ABCC4: variants seen among roughly 807,000 people sequenced by gnomAD.
The protein encoded by ABCC4 is ATP binding cassette subfamily C member 4 (PEL blood group), also known as ATP-binding cassette sub-family C member 4.
ABCC4 carries 102 observed loss-of-function variants against 168.5 expected under a neutral mutation model. The ratio of observed to expected loss-of-function variants is 0.61; its 90% CI spans 0.52 to 0.71. The LOEUF (loss-of-function observed/expected upper bound fraction) is 0.71. Among genes scored for constraint, ABCC4 ranks in the 30% least tolerant of loss-of-function variants. The probability of loss-of-function intolerance (pLI) is 0.00; values close to 1 mark genes in which losing one functional copy is unlikely to be tolerated. For synonymous variants in ABCC4, 617 were observed against 590.7 expected (o/e 1.04, Z -0.65); for missense variants, 1,402 against 1,605.8 (o/e 0.87, Z 2.17).
In ABCC4 at chr13:95,253,088, T is replaced by C. The variant is rs1017910150; in HGVS notation, c.75-5335A>G. Reference sequence around the variant, plus strand: ...GTTCTTCCTCACCTTCCTGTGTTTCTAAGGAAAACACCTGAGAATGCCTCT... The same window carrying C: ...GTTCTTCCTCACCTTCCTGTGTTTCCAAGGAAAACACCTGAGAATGCCTCT... On this transcript the variant is annotated intron_variant, in intron 1 of 30. Transcript: ENST00000645237. Among the ~76,000 whole-genome samples the C allele has an allele frequency of 1.5e-4, 23 of 152,168 alleles. 1 individual carries two copies. The highest frequency in any genetic ancestry group is 3.2e-4 in the Non-Finnish European group (22 of 68,026).
intron 1 of ABCC4, among the ~76,000 whole-genome samples, chr13:95,279,348 T>C (rs118046467): frequency 0.014 from 2,120 of 152,346 alleles, 26 homozygotes; most frequent in Non-Finnish European, 0.023. Context: ...CTAGTTGTAT[T>C]GCTTTGAGCA....
intron 1 of ABCC4, among the ~76,000 whole-genome samples, chr13:95,285,472 C>T (rs2041235980): frequency 6.6e-6 from 1 of 151,984 alleles, no homozygotes; most frequent in African/African-American, 2.4e-5. Flanking sequence ...ATCACTTGAA[C>T]CCAGGAGGCA....
At chr13:95,106,678 T>C (rs1471799312) in intron 20 of ABCC4, among the ~76,000 whole-genome samples, 1 of 152,088 alleles carries the variant, frequency 6.6e-6, no homozygotes, top group Non-Finnish European at 1.5e-5. Context: ...TTGTGCATTG[T>C]CTCACACTCA....
chr13:95,084,937 C>T (rs945865023), intron 20 of ABCC4, among the ~76,000 whole-genome samples: 7 of 152,216 alleles, frequency 4.6e-5, no homozygotes, highest in African/African-American at 1.2e-4. Flanking sequence ...TATTAGGAAA[C>T]ATGTGATATC....
intron 1 of ABCC4, among the ~76,000 whole-genome samples, chr13:95,263,285 A>G (rs746249079): frequency 6.6e-6 from 1 of 152,206 alleles, no homozygotes; most frequent in Non-Finnish European, 1.5e-5. Context: ...AATGTGACCA[A>G]AGGCGCATAG....
At chr13:95,040,767 G>C (rs557346040) in intron 29 of ABCC4, among the ~76,000 whole-genome samples, 1 of 151,858 alleles carries the variant, frequency 6.6e-6, no homozygotes, top group African/African-American at 2.4e-5. Flanking sequence ...ACGATTTCTA[G>C]TTTGTTTTCT....
chr13:95,046,645 G>A (rs2032591129), intron 27 of ABCC4, among the ~76,000 whole-genome samples: 1 of 152,024 alleles, frequency 6.6e-6, no homozygotes, highest in African/African-American at 2.4e-5. Context: ...GCGGGCACTT[G>A]TAATCCCATT....
At chr13:95,233,498 AG>A (rs2039681715) in intron 4 of ABCC4, among the ~76,000 whole-genome samples, 1 of 152,144 alleles carries the variant, frequency 6.6e-6, no homozygotes, top group African/African-American at 2.4e-5. Flanking sequence ...AGACTACTAG[AG>A]TTGGGAGAGA....
chr13:95,060,901 C>A (rs572233124), intron 26 of ABCC4, among the ~76,000 whole-genome samples: 2 of 152,126 alleles, frequency 1.3e-5, no homozygotes, highest in Non-Finnish European at 2.9e-5. Flanking sequence ...TAACTCCCAA[C>A]CCCCCACCTT....
chr13:95,292,644 A>G (rs182977517), intron 1 of ABCC4, among the ~76,000 whole-genome samples: 38 of 152,344 alleles, frequency 2.5e-4, no homozygotes, highest in Non-Finnish European at 5.0e-4. Flanking sequence ...ATCTAAAGTC[A>G]TGAGAGTCAC....
At chr13:95,071,909 G>A (rs2033738604) in intron 24 of ABCC4, 56 bp from the exon 25 acceptor site, 1 of 1,232,446 alleles carries the variant, frequency 8.1e-7, no homozygotes, top group Admixed American at 2.9e-5. Context: ...ATTTATGGAT[G>A]TTAAGAGACT....
intron 1 of ABCC4, among the ~76,000 whole-genome samples, chr13:95,295,125 C>T (rs559186443): frequency 3.4e-4 from 51 of 152,196 alleles, no homozygotes; most frequent in African/African-American, 1.1e-3. Flanking sequence ...ACGTGGCTCC[C>T]AAATCTCAGC....
At chr13:95,184,286 C>G (rs933140408) in intron 11 of ABCC4, among the ~76,000 whole-genome samples, 10 of 152,236 alleles carry the variant, frequency 6.6e-5, no homozygotes, top group African/African-American at 2.4e-4. Flanking sequence ...GCTGGGTGAC[C>G]TGGGACCTGG....
At chr13:95,244,515 G>A (rs1252704155) in intron 3 of ABCC4, among the ~76,000 whole-genome samples, 1 of 150,000 alleles carries the variant, frequency 6.7e-6, no homozygotes, top group Non-Finnish European at 1.5e-5. Flanking sequence ...AAGCTGCAGT[G>A]AGCCAAGATA....
rs2033876482 is a variant in ABCC4, at chr13:95,075,703, C to T, written c.2687-152G>A. The T allele has an allele frequency of 3.2e-6, 3 of 923,308 alleles. No homozygotes were observed. The South Asian group carries it at 5.6e-5, about 17-fold the overall frequency. The allele number at this position is 923,308 out of a possible 1,614,324, so 57.2% of individuals were successfully genotyped here. A position where few individuals can be genotyped will look rare whatever the true frequency, so the allele number is the denominator to read the frequency against. ...AAGGAAAAATAAATGTTCCCAATAG[C>T]CTGAGGGGACCCTGCCACTGGAATC... On this transcript the variant is annotated intron_variant, in intron 21 of 30. Transcript: ENST00000645237.
intron 3 of ABCC4, among the ~76,000 whole-genome samples, chr13:95,242,277 A>G (rs529468078): frequency 9.8e-4 from 147 of 150,628 alleles, no homozygotes; most frequent in Middle Eastern, 3.4e-3. Flanking sequence ...ACCCAGGCTG[A>G]AGTGCAGTGG....
At chr13:95,175,242 A>G (rs568841107) in intron 13 of ABCC4, among the ~76,000 whole-genome samples, 10 of 152,134 alleles carry the variant, frequency 6.6e-5, no homozygotes, top group Non-Finnish European at 1.0e-4. Context: ...TGCTCCCCTC[A>G]AAGTTCCTAT....
At chr13:95,230,514 C>T (rs950451466) in intron 4 of ABCC4, among the ~76,000 whole-genome samples, 4 of 152,312 alleles carry the variant, frequency 2.6e-5, no homozygotes, top group Non-Finnish European at 4.4e-5. Context: ...CAGTGGCTCA[C>T]GCCTGTAATC....
At position 95,091,394 on chromosome 13, in the gene ABCC4, C is replaced by T. The variant is rs573680861; in HGVS notation, c.2536-8104G>A. 2.6e-5 allele frequency among the ~76,000 whole-genome samples: 4 copies of T among 152,286 alleles called. No homozygotes were observed. The East Asian group carries it at 7.7e-4, about 29-fold the overall frequency. ...AGAAAGAATCTTAAGAGCTGTGAGA[C>T]AGAAGCACCAGGTAACCTATAAAGG... is the stretch of plus-strand genomic sequence containing the variant. On this transcript the variant is annotated intron_variant, in intron 20 of 30. Transcript: ENST00000645237.
Sources: gnomAD v4.1 joint callset for allele counts (sites outside exome capture counted in the v4.1 genomes callset) on GRCh38, gnomAD v4.1.1 for gene constraint, MANE v1.5 for transcripts, NCBI Gene and HGNC (gene_info 2026-07-23, HGNC 2026-07-21) for gene names.